Variants in ARB2A observed in about 807,000 individuals in gnomAD.
ARB2A encodes the protein ARB2 cotranscriptional regulator A, also known as cotranscriptional regulator ARB2A.
At chr5:94,032,381 G>A in the ARB2A span, among the ~76,000 whole-genome samples, 5 of 152,140 alleles carry the variant, frequency 3.3e-5, no homozygotes, top group African/African-American at 1.2e-4. Context: ...AGAGACAGAT[G>A]AGGAGGGGTG....
At chr5:93,933,373 T>C in the ARB2A span, among the ~76,000 whole-genome samples, 1 of 152,156 alleles carries the variant, frequency 6.6e-6, no homozygotes, top group Non-Finnish European at 1.5e-5. Context: ...TGCAGCACTA[T>C]TCACAATAGC....
chr5:93,782,037 C>A, the ARB2A span: 3 of 491,024 alleles, frequency 6.1e-6, no homozygotes, highest in Non-Finnish European at 7.9e-6. Flanking sequence ...ATCTTGCCAA[C>A]CCACACTGTA....
chr5:94,106,669 A>G, the ARB2A span, among the ~76,000 whole-genome samples: 3 of 152,018 alleles, frequency 2.0e-5, no homozygotes, highest in African/African-American at 7.2e-5. Context: ...AAAAGACAAC[A>G]TGTACTCATA....
chr5:94,072,384 G>A, the ARB2A span, among the ~76,000 whole-genome samples: 12 of 151,650 alleles, frequency 7.9e-5, no homozygotes, highest in African/African-American at 2.7e-4. Flanking sequence ...ACAAATTACT[G>A]CATACAAAAC....
the ARB2A span, among the ~76,000 whole-genome samples, chr5:93,772,854 C>A: frequency 6.6e-6 from 1 of 152,204 alleles, no homozygotes; most frequent in Admixed American, 6.5e-5. Context: ...AGCTAGAGGA[C>A]AAGAGAGAGC....
the ARB2A span, among the ~76,000 whole-genome samples, chr5:94,008,435 G>A: frequency 2.4e-3 from 361 of 152,250 alleles, no homozygotes; most frequent in African/African-American, 8.3e-3. Flanking sequence ...AGGCCTGAGA[G>A]TGAACATTTC....
At chr5:94,020,452 A>C in the ARB2A span, among the ~76,000 whole-genome samples, 8 of 152,304 alleles carry the variant, frequency 5.3e-5, no homozygotes, top group East Asian at 1.5e-3. Context: ...GGTGACATAC[A>C]TGACTAACAG....
chr5:94,035,108 T>C, the ARB2A span, among the ~76,000 whole-genome samples: 2 of 152,214 alleles, frequency 1.3e-5, no homozygotes, highest in East Asian at 1.9e-4. Flanking sequence ...CGTCTTTTAT[T>C]TTCTTAGTTC....
At chr5:93,820,948 C>G in the ARB2A span, among the ~76,000 whole-genome samples, 1 of 151,650 alleles carries the variant, frequency 6.6e-6, no homozygotes, top group Non-Finnish European at 1.5e-5. Context: ...AAAATGTATA[C>G]TGTTTTTTAA....
At chr5:94,040,833 G>T in the ARB2A span, among the ~76,000 whole-genome samples, 2 of 152,160 alleles carry the variant, frequency 1.3e-5, no homozygotes, top group Non-Finnish European at 2.9e-5. Context: ...GGGCCCAACA[G>T]GGGGCAAGTT....
At chr5:93,703,635 G>T in the ARB2A span, among the ~76,000 whole-genome samples, 2 of 152,326 alleles carry the variant, frequency 1.3e-5, no homozygotes, top group Non-Finnish European at 2.9e-5. Context: ...AGAACTGACA[G>T]ATGTGATCAA....
chr5:94,057,285 A>T, the ARB2A span, among the ~76,000 whole-genome samples: 1 of 152,048 alleles, frequency 6.6e-6, no homozygotes, highest in Non-Finnish European at 1.5e-5. Flanking sequence ...ACACAGAAGG[A>T]CAAATATTAT....
At chr5:93,849,884 TA>T in the ARB2A span, among the ~76,000 whole-genome samples, 1 of 152,208 alleles carries the variant, frequency 6.6e-6, no homozygotes, top group Admixed American at 6.5e-5. Context: ...CAAGAAATCC[TA>T]AACCCATGAA....
chr5:94,096,206 A>G, the ARB2A span, among the ~76,000 whole-genome samples: 1 of 152,200 alleles, frequency 6.6e-6, no homozygotes, highest in African/African-American at 2.4e-5. Context: ...CATCTAATCT[A>G]ACCATCAATC....
At chr5:93,987,686 A>C in the ARB2A span, among the ~76,000 whole-genome samples, 4 of 152,162 alleles carry the variant, frequency 2.6e-5, no homozygotes, top group African/African-American at 9.7e-5. Context: ...CTATATCCCC[A>C]GCTGTCCTCC....
At chr5:94,110,516 C>G in the ARB2A span, among the ~76,000 whole-genome samples, 2 of 152,152 alleles carry the variant, frequency 1.3e-5, no homozygotes, top group Admixed American at 6.5e-5. Flanking sequence ...GAAGTAAGGC[C>G]TAGTTGAAAA....
chr5:94,022,729 T>C, the ARB2A span, among the ~76,000 whole-genome samples: 51 of 152,264 alleles, frequency 3.3e-4, no homozygotes, highest in African/African-American at 1.0e-3. Context: ...ATCCTCAAAA[T>C]AGGATGGAAC....
the ARB2A span, among the ~76,000 whole-genome samples, chr5:93,988,725 C>T: frequency 6.6e-6 from 1 of 152,116 alleles, no homozygotes; most frequent in East Asian, 1.9e-4. Context: ...TAGTAGCAAA[C>T]ATTTGCAAAG....
the ARB2A span, chr5:93,863,152 T>C: frequency 1.3e-5 from 2 of 151,868 alleles, no homozygotes; most frequent in Admixed American, 1.3e-4. Context: ...CCATGTTATA[T>C]AGGGCAAGCA....
Sources: allele counts gnomAD v4.1 joint callset (sites outside exome capture counted in the v4.1 genomes callset), GRCh38; gene constraint gnomAD v4.1.1; transcripts MANE v1.5; gene names NCBI Gene and HGNC (gene_info 2026-07-23, HGNC 2026-07-21).